Variants in PCDHA5 observed in about 807,000 individuals in gnomAD.
PCDHA5 encodes the protein protocadherin alpha-5.
A neutral mutation model predicts 61.6 loss-of-function variants in PCDHA5; 43 were observed. The observed-to-expected ratio is 0.70, with a 90% CI of 0.55 to 0.90. PCDHA5 has a LOEUF of 0.90. Ranked by LOEUF, PCDHA5 falls within the 40% of genes least tolerant of loss-of-function variation. PCDHA5 has a pLI of 0.00. For missense variants in PCDHA5, 1,298 were observed against 1,222.7 expected, an observed-to-expected ratio of 1.06 and a Z score of -0.92; for synonymous variants, 627 against 543.9, an observed-to-expected ratio of 1.15 and a Z score of -2.13.
At chr5:140,984,441 T>A (rs1554246265) in intron 3 of PCDHA5, among the ~76,000 whole-genome samples, 3 of 152,200 alleles carry the variant, frequency 2.0e-5, no homozygotes, top group Admixed American at 6.5e-5. Context: ...TCTCCCTTGT[T>A]CCCTTTCTTA....
chr5:140,968,383 T>C, intron 1 of PCDHA5: 1 of 1,614,044 alleles, frequency 6.2e-7, no homozygotes. Context: ...CCTTTGACTA[T>C]GAGAAGTTTC....
intron 1 of PCDHA5, chr5:140,836,970 C>T: frequency 2.6e-6 from 1 of 381,196 alleles, no homozygotes; most frequent in Non-Finnish European, 4.6e-6. Flanking sequence ...GGCTACTCTC[C>T]ATTTTTGGAG....
intron 1 of PCDHA5, chr5:140,834,282 A>C: frequency 8.7e-7 from 1 of 1,148,074 alleles, no homozygotes; most frequent in Admixed American, 2.3e-5. Context: ...CTTTGGATGC[A>C]CAACAATGGC....
At position 140,835,689 on chromosome 5, in the gene PCDHA5, T is replaced by C. The variant is rs2150242026; in HGVS notation, c.2352+11562T>C. The C allele has an allele frequency of 1.2e-5, 19 of 1,613,884 alleles. No homozygotes were observed. The Middle Eastern group carries it at 6.6e-4, about 56-fold the overall frequency. ...GCGGGACGGGGGCTCGCCTTCTCTG[T>C]GGGCCACTGCTAGCGTGTCCGTGGA... On this transcript the variant is annotated intron_variant, in intron 1 of 3. Coordinates refer to ENST00000529859, the MANE Select transcript of PCDHA5 (RefSeq NM_018908.3).
At chr5:140,858,328 G>T (rs782462952) in intron 1 of PCDHA5, 1 of 1,596,534 alleles carries the variant, frequency 6.3e-7, no homozygotes, top group South Asian at 1.1e-5. Context: ...GTTCTGGGGA[G>T]GGCCTGCCCA....
chr5:140,857,442 A>G (rs1554150038), intron 1 of PCDHA5: 1 of 1,598,266 alleles, frequency 6.3e-7, no homozygotes, highest in African/African-American at 1.3e-5. Flanking sequence ...TTCGTGAAGG[A>G]GAACAACCCG....
At chr5:140,952,955 A>G (rs1244776708) in intron 1 of PCDHA5, among the ~76,000 whole-genome samples, 1 of 152,044 alleles carries the variant, frequency 6.6e-6, no homozygotes, top group Non-Finnish European at 1.5e-5. Context: ...AGAAGGGGGA[A>G]GTGATACACA....
intron 1 of PCDHA5, among the ~76,000 whole-genome samples, chr5:140,880,655 G>A (rs782616371): frequency 6.6e-6 from 1 of 152,186 alleles, no homozygotes; most frequent in African/African-American, 2.4e-5. Context: ...CCCAACTGAG[G>A]TAAAGGTGAG....
At chr5:140,870,535 G>C (rs1279597936) in intron 1 of PCDHA5, 2 of 1,614,056 alleles carry the variant, frequency 1.2e-6, no homozygotes, top group Non-Finnish European at 8.5e-7. Context: ...CACAGTGTCG[G>C]CGCGGGACGC....
rs2150476768 is a variant in PCDHA5, at chr5:140,850,270, G to C, written c.2352+26143G>C. On this transcript the variant is annotated intron_variant, in intron 1 of 3. Transcript: ENST00000529859. ...TCGGTGGGCGCCGGCGTAGTGGTGG[G>C]GAAGGTGCGCGCAGTGGACGCCGAC... 8 of 1,594,948 alleles carry C rather than the reference G, an allele frequency of 5.0e-6. 1 individual carries two copies. In the Admixed American group the frequency reaches 5.1e-5, roughly 10 times the overall value.
At chr5:141,004,331 C>G (rs1244942275) in intron 3 of PCDHA5, among the ~76,000 whole-genome samples, 1 of 152,210 alleles carries the variant, frequency 6.6e-6, no homozygotes, top group Non-Finnish European at 1.5e-5. Flanking sequence ...AGGTGAGGCA[C>G]AGTGGTCTGT....
chr5:140,848,195 C>T lies in PCDHA5; in HGVS notation c.2352+24068C>T, dbSNP rs2150407031. ...GCAAGAGAAACGGGATCTTCTGTTT[C>T]AACAATCATTACTTAAGAAAAAATT... On this transcript the variant is annotated intron_variant, in intron 1 of 3. Transcript: ENST00000529859. 38 of 306,006 alleles carry T rather than the reference C, an allele frequency of 1.2e-4. 1 individual carries two copies. Among genetic ancestry groups the T allele is most frequent in the Admixed American group, 5.2e-4 (11 of 21,218 alleles). 19.0% of individuals were successfully genotyped at this position (306,006 alleles called of 1,614,324 possible).
At position 140,834,666 on chromosome 5, in the gene PCDHA5, C is replaced by G. The variant is rs2150223813; in HGVS notation, c.2352+10539C>G. The G allele has an allele frequency of 1.1e-5, 17 of 1,614,250 alleles. No individual in the cohort carries two copies. In the East Asian group the frequency reaches 3.8e-4, roughly 36 times the overall value. On this transcript the variant is annotated intron_variant, in intron 1 of 3. Transcript: ENST00000529859. Reference sequence around the variant, plus strand: ...GAATTCTCGGATCGACCGCGAGGAGCTGTGCGGGCGGAGCGCGGAGTGCAG... The same window carrying G: ...GAATTCTCGGATCGACCGCGAGGAGGTGTGCGGGCGGAGCGCGGAGTGCAG...
intron 1 of PCDHA5, chr5:140,827,968 A>ATTCTTCTT: frequency 7.3e-7 from 1 of 1,370,946 alleles, no homozygotes; most frequent in South Asian, 1.4e-5. Flanking sequence ...CTATTACTGC[A>ATTCTTCTT]TCATTCCCTG....
chr5:140,853,297 G>T, intron 1 of PCDHA5: 1 of 981,768 alleles, frequency 1.0e-6, no homozygotes, highest in Non-Finnish European at 1.2e-6. Context: ...TCTCAGAAGG[G>T]CTGTGAACAC....
At chr5:140,944,226 C>T (rs988249626) in intron 1 of PCDHA5, among the ~76,000 whole-genome samples, 3 of 152,126 alleles carry the variant, frequency 2.0e-5, no homozygotes, top group Admixed American at 2.0e-4. Flanking sequence ...TTTACTCTGT[C>T]GCTCAGGCTG....
At chr5:140,875,288 A>G in intron 1 of PCDHA5, 2 of 1,392,506 alleles carry the variant, frequency 1.4e-6, no homozygotes, top group East Asian at 2.5e-5. Flanking sequence ...TGAAACAGGA[A>G]AATTTTTTTC....
chr5:140,968,632 C>T, intron 1 of PCDHA5: 1 of 1,614,176 alleles, frequency 6.2e-7, no homozygotes, highest in Non-Finnish European at 8.5e-7. Flanking sequence ...GGCTTTTTTA[C>T]CATCTAGCCC....
intron 1 of PCDHA5, among the ~76,000 whole-genome samples, chr5:140,909,916 C>T (rs1554194012): frequency 6.6e-6 from 1 of 152,138 alleles, no homozygotes; most frequent in African/African-American, 2.4e-5. Context: ...CAATCATTTC[C>T]CTTTCCCCAA....
Sources: allele counts gnomAD v4.1 joint callset (sites outside exome capture counted in the v4.1 genomes callset), GRCh38; gene constraint gnomAD v4.1.1; transcripts MANE v1.5; gene names NCBI Gene and HGNC (gene_info 2026-07-23, HGNC 2026-07-21).